The following PDHA1 variants were observed in gnomAD, a reference collection of about 807,000 sequenced individuals.
PDHA1 encodes the protein pyruvate dehydrogenase E1 subunit alpha 1, also known as pyruvate dehydrogenase E1 component subunit alpha, somatic form, mitochondrial.
A neutral mutation model predicts 33.0 loss-of-function variants in PDHA1; 1 was observed. That is an observed-to-expected ratio of 0.03 (90% CI 0.01 to 0.14). The LOEUF is 0.14. PDHA1 is among the 10% of genes least tolerant of loss of function. PDHA1 has a pLI of 1.00. For missense variants in PDHA1, 168 were observed against 325.1 expected (o/e 0.52, Z 3.72); for synonymous variants, 123 against 119.2 (o/e 1.03, Z -0.21).
At chrX:19,355,779 G>A in intron 8 of PDHA1, 22 bp downstream of exon 8, 1 of 1,122,439 alleles carries the variant, frequency 8.9e-7, no homozygotes, top group Non-Finnish European at 1.2e-6. Context: ...AAGCCCTCTG[G>A]GCTAGTGACA....
At position 19,359,859 on chromosome X, in the gene PDHA1, T is replaced by TTGAC. The variant is rs1009456388; in HGVS notation, c.*208_*211dup. ...ATTATTGAGTGCTTAAAGATTATTT[T>TTGAC]TGACTTAAAATAGTATACTTTGAAC... On this transcript the variant is annotated 3_prime_UTR_variant, in exon 11 of 11. Coordinates refer to ENST00000422285, the MANE Select transcript of PDHA1 (RefSeq NM_000284.4). The TTGAC allele has an allele frequency of 4.6e-5, 21 of 461,363 alleles. No individual in the cohort carries two copies. Among genetic ancestry groups the TTGAC allele is most frequent in the Middle Eastern group, 1.2e-3 (2 of 1,688 alleles). 38.0% of individuals were successfully genotyped at this position (461,363 alleles called of 1,213,427 possible).
At chrX:19,359,161 T>C in intron 10 of PDHA1, 137 bp downstream of exon 10, 2 of 491,097 alleles carry the variant, frequency 4.1e-6, no homozygotes, top group East Asian at 3.6e-5. Context: ...AGTTCCAAAG[T>C]CCCTTGGGGT....
intron 8 of PDHA1, among the ~76,000 whole-genome samples, chrX:19,357,084 G>C (rs914770276): frequency 8.9e-6 from 1 of 112,252 alleles, no homozygotes; most frequent in Non-Finnish European, 1.9e-5. Flanking sequence ...AGGAGCATGA[G>C]ATGGAAATCT....
rs193253848 is a variant in PDHA1, at chrX:19,360,998, A to G, written c.*1345A>G. On this transcript the variant is annotated 3_prime_UTR_variant, in exon 11 of 11. Coordinates refer to ENST00000422285, the MANE Select transcript of PDHA1 (RefSeq NM_000284.4). ...GTAGGACATGGCCTTAGAGGTACGTACCTGCAGAGAGCTGGCTATTTCAAA... is the reference window on the plus strand; with the variant it reads ...GTAGGACATGGCCTTAGAGGTACGTGCCTGCAGAGAGCTGGCTATTTCAAA... The G allele has an allele frequency of 3.8e-4, 164 of 428,174 alleles. No homozygotes were observed. Among genetic ancestry groups the G allele is most frequent in the African/African-American group, 3.6e-3 (146 of 40,735 alleles). The allele number at this position is 428,174 out of a possible 1,213,427, so 35.3% of individuals were successfully genotyped here.
intron 10 of PDHA1, 26 bp from the exon 11 acceptor site, chrX:19,359,463 C>CT: frequency 8.4e-7 from 1 of 1,189,774 alleles, no homozygotes; most frequent in Non-Finnish European, 1.1e-6. Context: ...ATTCTAAAAC[C>CT]TTTTACACTG....
rs746867841 is a variant in PDHA1 at position 19,349,359 on chromosome X, A to G, written c.105A>G (p.Thr35=). The G allele has an allele frequency of 2.9e-5, 34 of 1,164,096 alleles. No homozygotes were observed. The highest frequency in any genetic ancestry group is 3.8e-5 in the Non-Finnish European group (32 of 853,295). ...CCCGTAATTTTGCAAATGATGCTAC[A>G]TTTGAAATTAAGGTAAGAGGTGTTT... is the stretch of plus-strand genomic sequence containing the variant. ...VASRNFANDA[T]FEIKKCDLHR... Residue 35 remains threonine (T), a synonymous_variant, in exon 2 of 11, where the codon ACA becomes ACG. Coordinates refer to ENST00000422285, the MANE Select transcript of PDHA1 (RefSeq NM_000284.4).
chrX:19,351,699 C>G (rs1406937379), intron 4 of PDHA1, among the ~76,000 whole-genome samples: 2 of 109,571 alleles, frequency 1.8e-5, no homozygotes, highest in African/African-American at 6.7e-5. Flanking sequence ...AAAGTAAGTT[C>G]GGTTGAAGCA....
At chrX:19,358,539 G>A (rs982298750) in intron 9 of PDHA1, among the ~76,000 whole-genome samples, 2 of 111,413 alleles carry the variant, frequency 1.8e-5, no homozygotes, top group Non-Finnish European at 3.8e-5. Flanking sequence ...CACCCATGTA[G>A]TATACAGGAG....
intron 10 of PDHA1, 40 bp from the exon 11 acceptor site, chrX:19,359,449 G>A (rs201704327): frequency 3.5e-6 from 4 of 1,143,659 alleles, no homozygotes; most frequent in African/African-American, 3.6e-5. Context: ...CTAAGCTGCT[G>A]TTCATTCTAA....
rs750610911 is a variant in PDHA1, at chrX:19,359,471, C to T, written c.1009-18C>T. 5.8e-6 allele frequency: 7 copies of T among 1,198,423 alleles called. No individual in the cohort carries two copies. In the Admixed American group the frequency reaches 1.1e-4, roughly 19 times the overall value. ...GCTGTTCATTCTAAAACCTTTTACA[C>T]TGTTACCTAATTTTTAGGAAATTGA... is the stretch of plus-strand genomic sequence containing the variant. On this transcript the variant is annotated intron_variant, in intron 10 of 10. Coordinates refer to ENST00000422285, the MANE Select transcript of PDHA1 (RefSeq NM_000284.4).
intron 5 of PDHA1, among the ~76,000 whole-genome samples, chrX:19,354,206 C>G (rs890383405): frequency 8.9e-6 from 1 of 112,739 alleles, no homozygotes; most frequent in South Asian, 3.6e-4. Flanking sequence ...GCTGGGATTA[C>G]AGGCGTGAGC....
rs1289798092 is a variant in PDHA1 at position 19,359,071 on chromosome X, G to A, written c.1008+47G>A. 3 of 817,348 alleles carry A rather than the reference G, an allele frequency of 3.7e-6. No individual in the cohort carries two copies. In the African/African-American group the frequency reaches 6.1e-5, roughly 17 times the overall value. 67.4% of individuals were successfully genotyped at this position (817,348 alleles called of 1,213,427 possible). A position where few individuals can be genotyped will look rare whatever the true frequency, so the allele number is the denominator to read the frequency against. On this transcript the variant is annotated intron_variant, in intron 10 of 10. Coordinates refer to ENST00000422285, the MANE Select transcript of PDHA1 (RefSeq NM_000284.4). ...GGTTTGAAGGTTGGCTTTAAAAGTT[G>A]CCACCCCTGGGTGGCCACAGAGTTT...
At chrX:19,344,684 A>G (rs1324485170) in intron 1 of PDHA1, among the ~76,000 whole-genome samples, 1 of 30,553 alleles carries the variant, frequency 3.3e-5, no homozygotes, top group Non-Finnish European at 6.8e-5. Context: ...TAAAATGGAG[A>G]TAATAAGAGT....
chrX:19,343,948 C>G lies in PDHA1; in HGVS notation c.-90C>G. On this transcript the variant is annotated 5_prime_UTR_variant, in exon 1 of 11. Transcript: ENST00000422285. ...CCGCGGTGCGACTGAGGCGTGGCGT[C>G]TGCTGGGGCACCTGAAGGAGACTTG... 1 of 843,788 alleles carries G rather than the reference C, an allele frequency of 1.2e-6. No individual in the cohort carries two copies. The highest frequency in any genetic ancestry group is 1.8e-6 in the Non-Finnish European group (1 of 570,423). The allele number at this position is 843,788 out of a possible 1,213,427, so 69.5% of individuals were successfully genotyped here. A position where few individuals can be genotyped will look rare whatever the true frequency, so the allele number is the denominator to read the frequency against.
At chrX:19,344,791 A>T (rs1316926047) in intron 1 of PDHA1, among the ~76,000 whole-genome samples, 1 of 112,514 alleles carries the variant, frequency 8.9e-6, no homozygotes, top group African/African-American at 3.2e-5. Flanking sequence ...ATGTGTGTTG[A>T]ATAGTGTTAT....
chrX:19,357,111 G>A (rs73453477), intron 8 of PDHA1, among the ~76,000 whole-genome samples: 4,766 of 112,296 alleles, frequency 0.042, 228 homozygotes, highest in African/African-American at 0.14. Flanking sequence ...CCAATAGCAG[G>A]AGGCTCTAGA....
chrX:19,357,879 A>AATAAG (rs772866231), intron 9 of PDHA1, among the ~76,000 whole-genome samples, 160 bp downstream of exon 9: 1,442 of 112,552 alleles, frequency 0.013, 22 homozygotes, highest in African/African-American at 0.044. Flanking sequence ...AGTGCCTCCT[A>AATAAG]ATAAGAAAGC....
At chrX:19,359,459 A>G in intron 10 of PDHA1, 30 bp from the exon 11 acceptor site, 1 of 1,184,554 alleles carries the variant, frequency 8.4e-7, no homozygotes, top group Non-Finnish European at 1.1e-6. Flanking sequence ...GTTCATTCTA[A>G]AACCTTTTAC....
intron 3 of PDHA1, 58 bp from the exon 4 acceptor site, chrX:19,351,223 G>A (rs779462749): frequency 5.0e-5 from 58 of 1,157,525 alleles, no homozygotes; most frequent in East Asian, 1.8e-4. Context: ...TCTAGGAAAC[G>A]TTTTTATTTA....
Sources: allele counts gnomAD v4.1 joint callset (sites outside exome capture counted in the v4.1 genomes callset), GRCh38; gene constraint gnomAD v4.1.1; transcripts MANE v1.5; gene names NCBI Gene and HGNC (gene_info 2026-07-23, HGNC 2026-07-21).